The following TIAM1 variants were observed in gnomAD, a reference collection of about 807,000 sequenced individuals.
TIAM1 encodes the protein TIAM Rac1 associated GEF 1.
TIAM1 carries 65 observed loss-of-function variants against 163.5 expected under a neutral mutation model. The ratio of observed to expected loss-of-function variants is 0.40; its 90% CI spans 0.33 to 0.49. TIAM1 has a LOEUF of 0.49. Among genes scored for constraint, TIAM1 ranks in the 20% least tolerant of loss-of-function variants. The pLI is 0.77. For missense variants in TIAM1, 1,789 were observed against 2,044.7 expected, an observed-to-expected ratio of 0.87 and a Z score of 2.41; for synonymous variants, 833 against 810.1, an observed-to-expected ratio of 1.03 and a Z score of -0.48.
At chr21:31,397,260 TGTAA>T (rs1445205894) in intron 2 of TIAM1, among the ~76,000 whole-genome samples, 1 of 152,186 alleles carries the variant, frequency 6.6e-6, no homozygotes, top group Non-Finnish European at 1.5e-5. Context: ...CATGCCCGTT[TGTAA>T]GTGTCATTTT....
chr21:31,211,133 T>G (rs966324491), intron 10 of TIAM1, among the ~76,000 whole-genome samples: 1 of 152,130 alleles, frequency 6.6e-6, no homozygotes, highest in South Asian at 2.1e-4. Flanking sequence ...ACAAGCCTCC[T>G]TTGCTGCCAT....
intron 8 of TIAM1, among the ~76,000 whole-genome samples, chr21:31,220,133 G>A (rs547630173): frequency 5.3e-5 from 8 of 152,238 alleles, no homozygotes; most frequent in Admixed American, 2.0e-4. Flanking sequence ...AGAGGCAACC[G>A]TATAAAATAC....
chr21:31,249,774 G>A lies in TIAM1; in HGVS notation c.1411+1968C>T, dbSNP rs151269500. Among the ~76,000 whole-genome samples, 162 of 152,228 alleles carry A rather than the reference G, an allele frequency of 1.1e-3. 1 individual carries two copies. Among genetic ancestry groups the A allele is most frequent in the African/African-American group, 3.7e-3 (153 of 41,526 alleles). ...TTAAGCCAAGGCACGTCACACATGAGAAAGAACACTGCAGTTCTCCAAAAT... is the reference window on the plus strand; with the variant it reads ...TTAAGCCAAGGCACGTCACACATGAAAAAGAACACTGCAGTTCTCCAAAAT... On this transcript the variant is annotated intron_variant, in intron 5 of 27. Coordinates refer to ENST00000541036, the MANE Select transcript of TIAM1 (RefSeq NM_001353694.2).
At chr21:31,132,518 G>A (rs1263912323) in intron 23 of TIAM1, among the ~76,000 whole-genome samples, 1 of 152,142 alleles carries the variant, frequency 6.6e-6, no homozygotes, top group Non-Finnish European at 1.5e-5. Context: ...CAGAGAGGCT[G>A]GGACAGCTAG....
intron 11 of TIAM1, among the ~76,000 whole-genome samples, chr21:31,204,486 A>C (rs1016993140): frequency 6.6e-6 from 1 of 152,226 alleles, no homozygotes; most frequent in Admixed American, 6.5e-5. Flanking sequence ...GTTAATTTTA[A>C]CTGGTTCAGT....
intron 2 of TIAM1, among the ~76,000 whole-genome samples, chr21:31,353,285 C>G (rs910148680): frequency 2.6e-5 from 4 of 152,176 alleles, no homozygotes; most frequent in Admixed American, 6.5e-5. Context: ...TGACCACATT[C>G]AGGTGTACCC....
At chr21:31,166,268 T>C (rs1042593449) in intron 15 of TIAM1, among the ~76,000 whole-genome samples, 1 of 152,120 alleles carries the variant, frequency 6.6e-6, no homozygotes, top group Non-Finnish European at 1.5e-5. Flanking sequence ...TCCTAAAATA[T>C]GAGGCACTGG....
At chr21:31,125,412 A>C (rs1036089166) in intron 26 of TIAM1, among the ~76,000 whole-genome samples, 5 of 152,136 alleles carry the variant, frequency 3.3e-5, no homozygotes, top group Admixed American at 2.0e-4. Flanking sequence ...TAGACGGTAA[A>C]GGTGGTGCTC....
chr21:31,152,024 T>G (rs1189121395), intron 19 of TIAM1, among the ~76,000 whole-genome samples: 1 of 20,552 alleles, frequency 4.9e-5, no homozygotes, highest in Non-Finnish European at 8.9e-5. Context: ...GAAGTGCCTT[T>G]TTTTTTTTTT....
In TIAM1 at chr21:31,141,172, C is replaced by A. The variant is rs778483875; in HGVS notation, c.3720G>T (p.Glu1240Asp). 1 of 1,614,076 alleles carries A rather than the reference C, an allele frequency of 6.2e-7. No homozygotes were observed. Among genetic ancestry groups the A allele is most frequent in the Non-Finnish European group, 8.5e-7 (1 of 1,180,032 alleles). Reference protein sequence around the residue: ...HINEMQKIHEEFGAVFDQLIA... With the variant: ...HINEMQKIHEDFGAVFDQLIA... ...TCAGCTGGTCAAACACAGCCCCAAA[C>A]TCTTCATGGATTTTCTGCATCTCAT... The change falls in exon 22 of 28, where the codon GAG becomes GAT. Residue 1240 changes from glutamate to aspartate, a missense_variant. Physicochemically the swap from Glu to Asp is conservative, Grantham distance 45 (BLOSUM62 2). Around this residue, in one of 5 missense-constraint regions of TIAM1, gnomAD observed 60 missense variants for 132.6 expected, o/e 0.45. Transcript: ENST00000541036. This position sits in a 1 kb window ranked among gnomAD's most constrained non-coding sequence, Gnocchi z 4.7.
chr21:31,391,423 G>A (rs62223376), intron 2 of TIAM1, among the ~76,000 whole-genome samples: 23,107 of 151,974 alleles, frequency 0.15, 1,872 homozygotes, highest in Middle Eastern at 0.34. Context: ...TCAGGAGTTC[G>A]AGACCAGCCT....
chr21:31,457,249 C>A (rs1394327070), intron 2 of TIAM1, among the ~76,000 whole-genome samples: 1 of 152,170 alleles, frequency 6.6e-6, no homozygotes, highest in Non-Finnish European at 1.5e-5. Context: ...AACAAAAGTG[C>A]AAGTAAATTC....
chr21:31,230,822 C>A (rs975807703), intron 6 of TIAM1, among the ~76,000 whole-genome samples: 2 of 152,108 alleles, frequency 1.3e-5, no homozygotes, highest in African/African-American at 4.8e-5. Context: ...GCGTACACCA[C>A]CAAGCCCAGG....
At chr21:31,149,580 T>C (rs566275767) in intron 19 of TIAM1, among the ~76,000 whole-genome samples, 1 of 152,312 alleles carries the variant, frequency 6.6e-6, no homozygotes, top group East Asian at 1.9e-4. Flanking sequence ...AGTGATTAAC[T>C]GGACCCAAAC....
intron 15 of TIAM1, among the ~76,000 whole-genome samples, chr21:31,174,541 A>G (rs1339572133): frequency 1.3e-5 from 2 of 152,184 alleles, no homozygotes; most frequent in African/African-American, 4.8e-5. Context: ...TGTTAGCCAC[A>G]CGCACTTGGC....
chr21:31,513,256 A>G (rs933260280), intron 1 of TIAM1, among the ~76,000 whole-genome samples: 1 of 152,198 alleles, frequency 6.6e-6, no homozygotes, highest in African/African-American at 2.4e-5. Context: ...CAATGACCCT[A>G]TGAAATAGGT....
intron 19 of TIAM1, among the ~76,000 whole-genome samples, chr21:31,149,069 T>C (rs766142552): frequency 2.0e-5 from 3 of 151,914 alleles, no homozygotes; most frequent in Non-Finnish European, 4.4e-5. Flanking sequence ...TCAGAGAGCC[T>C]GGAGAGAATC....
At chr21:31,284,512 G>A (rs2073712467) in intron 2 of TIAM1, among the ~76,000 whole-genome samples, 1 of 151,816 alleles carries the variant, frequency 6.6e-6, no homozygotes, top group African/African-American at 2.4e-5. Flanking sequence ...TCCAGGAAAG[G>A]AATTTTTTTA....
intron 2 of TIAM1, among the ~76,000 whole-genome samples, chr21:31,424,676 G>C (rs1003566590): frequency 6.6e-6 from 1 of 152,218 alleles, no homozygotes; most frequent in African/African-American, 2.4e-5. Context: ...ATTAAACACA[G>C]AGTTTCCGTT....
Sources: allele counts gnomAD v4.1 joint callset (sites outside exome capture counted in the v4.1 genomes callset), GRCh38; gene constraint gnomAD v4.1.1; regional missense constraint gnomAD v4.1.1; non-coding constraint Gnocchi (gnomAD v3.1); transcripts MANE v1.5; gene names NCBI Gene and HGNC (gene_info 2026-07-23, HGNC 2026-07-21).